The following GPR149 variants were observed in gnomAD, a reference collection of about 807,000 sequenced individuals.
GPR149 encodes probable G protein-coupled receptor 149.
A neutral mutation model predicts 50.2 loss-of-function variants in GPR149; 50 were observed. That is an observed-to-expected ratio of 1.00 (90% CI 0.79 to 1.26). The LOEUF (loss-of-function observed/expected upper bound fraction) is 1.26, where lower values mean the gene tolerates loss of function less well. GPR149 is among the 50% of genes most tolerant of loss of function. The probability of loss-of-function intolerance (pLI) is 0.00; values close to 1 mark genes in which losing one functional copy is unlikely to be tolerated. For synonymous variants in GPR149, 405 were observed against 358.2 expected, an observed-to-expected ratio of 1.13 and a Z score of -1.48; for missense variants, 983 against 895.4, an observed-to-expected ratio of 1.10 and a Z score of -1.25.
At chr3:154,427,450 T>C (rs550636844) in intron 2 of GPR149, 66 bp downstream of exon 2, 1 of 1,444,788 alleles carries the variant, frequency 6.9e-7, no homozygotes, top group South Asian at 1.3e-5. Flanking sequence ...ACTTTGTTAA[T>C]AGACCACTTT....
intron 3 of GPR149, among the ~76,000 whole-genome samples, chr3:154,381,591 A>T (rs6769708): frequency 0.11 from 15,999 of 152,178 alleles, 925 homozygotes; most frequent in East Asian, 0.22. Context: ...AATGTTTCAT[A>T]CCATACCAGA....
chr3:154,357,384 A>G (rs1714263574), intron 3 of GPR149, among the ~76,000 whole-genome samples: 1 of 152,190 alleles, frequency 6.6e-6, no homozygotes, highest in East Asian at 1.9e-4. Flanking sequence ...CTACCATCAG[A>G]GTGAACAGGC....
chr3:154,372,050 G>A (rs1714677969), intron 3 of GPR149, among the ~76,000 whole-genome samples: 1 of 150,722 alleles, frequency 6.6e-6, no homozygotes, highest in Non-Finnish European at 1.5e-5. Context: ...CAACTGCAGG[G>A]CCCCTTCTTC....
rs1222008170 is a variant in GPR149 at position 154,338,106 on chromosome 3, C to T, written c.1789G>A (p.Val597Ile). 5 of 1,614,024 alleles carry T rather than the reference C, an allele frequency of 3.1e-6. No homozygotes were observed. Among genetic ancestry groups the T allele is most frequent in the Non-Finnish European group, 4.2e-6 (5 of 1,180,034 alleles). Reference sequence around the variant, plus strand: ...TCTTCTGAGTTTGGTTCATGGCCAACACTTTTGGATCGATAGACTTCTATT... The same window carrying T: ...TCTTCTGAGTTTGGTTCATGGCCAATACTTTTGGATCGATAGACTTCTATT... The part of the protein sequence containing the change: ...KKIEVYRSKS[V>I]GHEPNSEDSS... Residue 597 changes from valine (V) to isoleucine (I), a missense_variant, in exon 4 of 4, where the codon GTT becomes ATT. Transcript: ENST00000389740.
intron 3 of GPR149, among the ~76,000 whole-genome samples, chr3:154,370,152 C>T (rs1166205238): frequency 6.6e-6 from 1 of 152,220 alleles, no homozygotes; most frequent in Admixed American, 6.5e-5. Context: ...TAAGAAAGCA[C>T]ACCTCCCTAA....
rs143387977 is a variant in GPR149, at chr3:154,389,052, C to A, written c.1623+31987G>T. ...AAAATATGGGAGAAAGTGGTTGAAC[C>A]CCAGGGCATTCATCCATTCATTCAT... On this transcript the variant is annotated intron_variant, in intron 3 of 3. Transcript: ENST00000389740. 2.3e-4 allele frequency among the ~76,000 whole-genome samples: 35 copies of A among 152,096 alleles called. No individual in the cohort carries two copies. In the East Asian group the frequency reaches 6.4e-3, roughly 28 times the overall value.
At chr3:154,400,265 G>C (rs112880223) in intron 3 of GPR149, among the ~76,000 whole-genome samples, 5,405 of 151,840 alleles carry the variant, frequency 0.036, 290 homozygotes, top group African/African-American at 0.12. Flanking sequence ...GGATTACAGG[G>C]GTGAGCCACC....
Position 154,412,963 on chromosome 3 carries a change from G to A in GPR149, c.1623+8076C>T, listed in dbSNP as rs533865126. On this transcript the variant is annotated intron_variant, in intron 3 of 3. Transcript: ENST00000389740. Reference sequence around the variant, plus strand: ...CTGGTATAAAAATAGGCACATAGACGAATGGAACAGAATAGGGAACCCAGA... The same window carrying A: ...CTGGTATAAAAATAGGCACATAGACAAATGGAACAGAATAGGGAACCCAGA... Among the ~76,000 whole-genome samples, 17 of 151,910 alleles carry A rather than the reference G, an allele frequency of 1.1e-4. No homozygotes were observed. The South Asian group carries it at 2.3e-3, about 20-fold the overall frequency.
intron 3 of GPR149, among the ~76,000 whole-genome samples, chr3:154,418,951 A>G (rs1261454683): frequency 6.6e-6 from 1 of 152,120 alleles, no homozygotes; most frequent in Non-Finnish European, 1.5e-5. Flanking sequence ...AGGTTATACA[A>G]AAAATGTCAG....
At position 154,427,500 on chromosome 3, in the gene GPR149, A is replaced by G; in HGVS notation, c.1174+16T>C. Reference sequence around the variant, plus strand: ...AATGCATATTGCTGCCAATCACTGCAGTGTTGAGGACTTACTTTTTTTCCC... The same window carrying G: ...AATGCATATTGCTGCCAATCACTGCGGTGTTGAGGACTTACTTTTTTTCCC... On this transcript the variant is annotated intron_variant, in intron 2 of 3. Coordinates refer to ENST00000389740, the MANE Select transcript of GPR149 (RefSeq NM_001038705.3). The G allele has an allele frequency of 6.3e-7, 1 of 1,586,638 alleles. No individual in the cohort carries two copies. The highest frequency in any genetic ancestry group is 8.6e-7 in the Non-Finnish European group (1 of 1,168,616).
At chr3:154,400,587 T>G (rs1254837177) in intron 3 of GPR149, among the ~76,000 whole-genome samples, 1 of 151,644 alleles carries the variant, frequency 6.6e-6, no homozygotes, top group Non-Finnish European at 1.5e-5. Flanking sequence ...TGATGCTCTC[T>G]CTATGTAGAA....
intron 3 of GPR149, among the ~76,000 whole-genome samples, chr3:154,396,949 A>C (rs370168126): frequency 1.3e-5 from 2 of 151,880 alleles, no homozygotes; most frequent in African/African-American, 4.8e-5. Flanking sequence ...AAGAGCACTA[A>C]AATTGAGTCA....
At chr3:154,367,124 G>A (rs1714548079) in intron 3 of GPR149, among the ~76,000 whole-genome samples, 1 of 152,174 alleles carries the variant, frequency 6.6e-6, no homozygotes, top group Non-Finnish European at 1.5e-5. Flanking sequence ...TTCCAGCTGA[G>A]CTTCCTGGGT....
chr3:154,374,132 T>A (rs1236753782), intron 3 of GPR149, among the ~76,000 whole-genome samples: 1 of 90,168 alleles, frequency 1.1e-5, no homozygotes, highest in African/African-American at 4.7e-5. Flanking sequence ...AAAGTCTTTT[T>A]TTCCTTCTAT....
chr3:154,346,556 C>T (rs755778887), intron 3 of GPR149, among the ~76,000 whole-genome samples: 1 of 151,650 alleles, frequency 6.6e-6, no homozygotes, highest in Non-Finnish European at 1.5e-5. Context: ...ACATTTAATC[C>T]TCAAAGGCCT....
chr3:154,356,818 T>C (rs1329792807), intron 3 of GPR149, among the ~76,000 whole-genome samples: 15 of 152,044 alleles, frequency 9.9e-5, no homozygotes, highest in Admixed American at 3.9e-4. Context: ...CTTCACAGAA[T>C]TGGAAAAAAC....
At position 154,427,508 on chromosome 3, in the gene GPR149, G is replaced by A. The variant is rs766073605; in HGVS notation, c.1174+8C>T. On this transcript the variant is annotated splice_region_variant and intron_variant, in intron 2 of 3. Coordinates refer to ENST00000389740, the MANE Select transcript of GPR149 (RefSeq NM_001038705.3). The stretch of plus-strand genomic sequence containing the variant: ...TTGCTGCCAATCACTGCAGTGTTGA[G>A]GACTTACTTTTTTTCCCATCGGACG... 5.6e-6 allele frequency: 9 copies of A among 1,599,458 alleles called. No homozygotes were observed. The highest frequency in any genetic ancestry group is 7.7e-6 in the Non-Finnish European group (9 of 1,173,962).
chr3:154,426,263 A>G (rs1367751284), intron 2 of GPR149, among the ~76,000 whole-genome samples: 1 of 152,182 alleles, frequency 6.6e-6, no homozygotes, highest in Non-Finnish European at 1.5e-5. Context: ...TCTTAACAAT[A>G]AAAAATTTTC....
chr3:154,345,195 G>T (rs777465508), intron 3 of GPR149, among the ~76,000 whole-genome samples: 1 of 152,134 alleles, frequency 6.6e-6, no homozygotes, highest in Non-Finnish European at 1.5e-5. Flanking sequence ...GTCCTTTTCA[G>T]ATTTCATATT....
Sources: allele counts gnomAD v4.1 joint callset (sites outside exome capture counted in the v4.1 genomes callset), GRCh38; gene constraint gnomAD v4.1.1; transcripts MANE v1.5; gene names NCBI Gene and HGNC (gene_info 2026-07-23, HGNC 2026-07-21).